Variants in ENTREP2 observed in about 807,000 individuals in gnomAD.
The protein encoded by ENTREP2 is protein ENTREP2.
the ENTREP2 span, among the ~76,000 whole-genome samples, chr15:29,156,179 T>TTTTTG: frequency 8.6e-5 from 13 of 151,820 alleles, no homozygotes; most frequent in Non-Finnish European, 1.3e-4. Context: ...GGTGGTGGCG[T>TTTTTG]TTTTGTTTTG....
the ENTREP2 span, among the ~76,000 whole-genome samples, chr15:29,591,922 A>C: frequency 6.6e-6 from 1 of 151,506 alleles, no homozygotes; most frequent in Admixed American, 6.6e-5. Flanking sequence ...TGTTTCTACA[A>C]ACCAAGTGTG....
the ENTREP2 span, chr15:29,269,536 G>T: frequency 6.6e-7 from 1 of 1,514,566 alleles, no homozygotes; most frequent in Admixed American, 2.2e-5. Flanking sequence ...CGACCCCTGC[G>T]AGCCGCCCGG....
chr15:29,134,015 G>A, the ENTREP2 span, among the ~76,000 whole-genome samples: 1 of 152,028 alleles, frequency 6.6e-6, no homozygotes, highest in South Asian at 2.1e-4. Flanking sequence ...CATGCCTGAT[G>A]CCCACCCAGC....
chr15:29,548,289 A>T, the ENTREP2 span, among the ~76,000 whole-genome samples: 15 of 151,832 alleles, frequency 9.9e-5, no homozygotes, highest in Admixed American at 9.9e-4. Flanking sequence ...CACCATCTCT[A>T]CTAAAAAACT....
At chr15:29,472,428 AACACACACAC>A in the ENTREP2 span, among the ~76,000 whole-genome samples, 564 of 140,708 alleles carry the variant, frequency 4.0e-3, 1 homozygote, top group Admixed American at 6.0e-3. Context: ...CACAACACAC[AACACACACAC>A]ACACACACAC....
the ENTREP2 span, among the ~76,000 whole-genome samples, chr15:29,564,685 T>C: frequency 6.6e-6 from 1 of 152,144 alleles, no homozygotes; most frequent in African/African-American, 2.4e-5. Context: ...CAGCTCATGG[T>C]AGTTTTTGGG....
chr15:29,247,843 T>A, the ENTREP2 span, among the ~76,000 whole-genome samples: 1 of 152,166 alleles, frequency 6.6e-6, no homozygotes, highest in Non-Finnish European at 1.5e-5. Context: ...GCTCTTTGAC[T>A]CTAATGCAAA....
the ENTREP2 span, among the ~76,000 whole-genome samples, chr15:29,566,438 A>G: frequency 6.6e-6 from 1 of 150,896 alleles, no homozygotes; most frequent in Non-Finnish European, 1.5e-5. Context: ...TGATGGGATT[A>G]CAGGCGTGAC....
the ENTREP2 span, among the ~76,000 whole-genome samples, chr15:29,595,301 C>T: frequency 6.6e-6 from 1 of 151,982 alleles, no homozygotes; most frequent in Non-Finnish European, 1.5e-5. Context: ...TTTAGGGTAG[C>T]TATAGAATTA....
the ENTREP2 span, among the ~76,000 whole-genome samples, chr15:29,316,360 G>A: frequency 6.6e-6 from 1 of 152,152 alleles, no homozygotes; most frequent in Non-Finnish European, 1.5e-5. Flanking sequence ...GAGAGACAGA[G>A]AGACTTAAGA....
the ENTREP2 span, among the ~76,000 whole-genome samples, chr15:29,527,730 A>G: frequency 1.3e-5 from 2 of 152,228 alleles, no homozygotes; most frequent in East Asian, 3.9e-4. Flanking sequence ...CTCTCCCCAG[A>G]AAAATAAACA....
At chr15:29,648,609 G>A in the ENTREP2 span, among the ~76,000 whole-genome samples, 4 of 152,174 alleles carry the variant, frequency 2.6e-5, no homozygotes, top group South Asian at 4.1e-4. Flanking sequence ...AAATGATCAA[G>A]GTCAATACCA....
chr15:29,174,098 CT>C, the ENTREP2 span, among the ~76,000 whole-genome samples: 1 of 152,154 alleles, frequency 6.6e-6, no homozygotes. Context: ...CCAAAGAGTA[CT>C]TGTTATGATT....
the ENTREP2 span, among the ~76,000 whole-genome samples, chr15:29,301,402 T>G: frequency 6.6e-6 from 1 of 152,246 alleles, no homozygotes; most frequent in Non-Finnish European, 1.5e-5. Flanking sequence ...CTTAGAGTTT[T>G]CAGTAACAAA....
At chr15:29,147,559 C>A in the ENTREP2 span, among the ~76,000 whole-genome samples, 1 of 151,760 alleles carries the variant, frequency 6.6e-6, no homozygotes, top group Non-Finnish European at 1.5e-5. Flanking sequence ...AAAGAAAGAT[C>A]ATAAGTGTTG....
At chr15:29,562,734 TTCTG>T in the ENTREP2 span, among the ~76,000 whole-genome samples, 6 of 151,844 alleles carry the variant, frequency 4.0e-5, no homozygotes, top group African/African-American at 1.5e-4. Context: ...CAAGGGAGGG[TTCTG>T]TCTATGTGTG....
the ENTREP2 span, among the ~76,000 whole-genome samples, chr15:29,368,183 G>A: frequency 0.17 from 25,829 of 151,696 alleles, 2,405 homozygotes; most frequent in East Asian, 0.38. Context: ...AAATTAGCTG[G>A]GCATGGTGGC....
At chr15:29,274,366 C>A in the ENTREP2 span, among the ~76,000 whole-genome samples, 1 of 152,200 alleles carries the variant, frequency 6.6e-6, no homozygotes, top group Non-Finnish European at 1.5e-5. Context: ...GGTGTGAGAT[C>A]TGAACACAGC....
the ENTREP2 span, among the ~76,000 whole-genome samples, chr15:29,368,337 A>AAAAAAAT: frequency 0.011 from 1,569 of 146,084 alleles, 19 homozygotes; most frequent in East Asian, 0.056. Flanking sequence ...CAAAAAAAAA[A>AAAAAAAT]ATATATATAT....
Sources: allele counts gnomAD v4.1 joint callset (sites outside exome capture counted in the v4.1 genomes callset), GRCh38; gene constraint gnomAD v4.1.1; transcripts MANE v1.5; gene names NCBI Gene and HGNC (gene_info 2026-07-23, HGNC 2026-07-21).